TMEM131L: variants seen among roughly 807,000 people sequenced by gnomAD.
TMEM131L encodes the protein transmembrane protein 131-like.
TMEM131L carries 54 observed loss-of-function variants against 192.2 expected under a neutral mutation model. That is an observed-to-expected ratio of 0.28 (90% confidence interval 0.23 to 0.35). The LOEUF is 0.35. Ranked by LOEUF, TMEM131L falls within the 10% of genes least tolerant of loss-of-function variation. The pLI is 1.00. For synonymous variants in TMEM131L, 701 were observed against 704.9 expected, an observed-to-expected ratio of 0.99 and a Z score of 0.09; for missense variants, 1,888 against 1,972.9, an observed-to-expected ratio of 0.96 and a Z score of 0.82.
chr4:153,537,340 A>G (rs1379214377), intron 3 of TMEM131L, among the ~76,000 whole-genome samples: 4 of 152,178 alleles, frequency 2.6e-5, no homozygotes, highest in Non-Finnish European at 5.9e-5. Flanking sequence ...CTTGAATCTC[A>G]CACAAGAAAG....
intron 4 of TMEM131L, among the ~76,000 whole-genome samples, chr4:153,552,382 TA>T (rs948493132): frequency 6.6e-6 from 1 of 152,148 alleles, no homozygotes; most frequent in Non-Finnish European, 1.5e-5. Context: ...TTCAGTAACG[TA>T]AAAAAATCCT....
intron 3 of TMEM131L, among the ~76,000 whole-genome samples, chr4:153,494,347 T>C (rs891197209): frequency 3.3e-5 from 5 of 152,236 alleles, no homozygotes; most frequent in African/African-American, 9.6e-5. Flanking sequence ...AGCAACTTAA[T>C]GTCCAATAGT....
chr4:153,585,913 A>G (rs1730670291), intron 13 of TMEM131L, among the ~76,000 whole-genome samples: 1 of 152,152 alleles, frequency 6.6e-6, no homozygotes, highest in Non-Finnish European at 1.5e-5. Flanking sequence ...ATGTATATGT[A>G]TTGTTCTAAA....
chr4:153,471,295 G>GT (rs2149720449), intron 2 of TMEM131L, among the ~76,000 whole-genome samples: 1 of 151,960 alleles, frequency 6.6e-6, no homozygotes, highest in African/African-American at 2.4e-5. Context: ...CCATGTCTTC[G>GT]TTTTTCTCCT....
intron 3 of TMEM131L, among the ~76,000 whole-genome samples, chr4:153,483,095 C>T (rs189356690): frequency 2.9e-4 from 44 of 152,136 alleles, no homozygotes; most frequent in African/African-American, 1.0e-3. Context: ...CAAAACACTT[C>T]GTTAATGTCA....
chr4:153,551,444 G>A (rs533821479), intron 4 of TMEM131L, among the ~76,000 whole-genome samples: 5 of 151,548 alleles, frequency 3.3e-5, no homozygotes, highest in African/African-American at 1.2e-4. Context: ...TGCAGCCTCC[G>A]CCTGTTGGGT....
intron 5 of TMEM131L, among the ~76,000 whole-genome samples, chr4:153,556,531 A>G (rs1328517189): frequency 1.3e-5 from 2 of 152,204 alleles, no homozygotes; most frequent in East Asian, 3.8e-4. Flanking sequence ...AACTAGGACT[A>G]AGGATATGTT....
intron 4 of TMEM131L, among the ~76,000 whole-genome samples, chr4:153,553,270 CTTTG>C (rs1365737631): frequency 5.9e-5 from 9 of 152,176 alleles, no homozygotes; most frequent in East Asian, 3.9e-4. Context: ...TCAAATATCT[CTTTG>C]TTTGAGCATG....
At chr4:153,633,666 C>T (rs1184455109) in intron 32 of TMEM131L, among the ~76,000 whole-genome samples, 1 of 152,170 alleles carries the variant, frequency 6.6e-6, no homozygotes, top group South Asian at 2.1e-4. Flanking sequence ...TATTTAATCA[C>T]AGAATCCATT....
chr4:153,604,011 C>G lies in TMEM131L; in HGVS notation c.2999C>G (p.Thr1000Arg). 1 of 1,614,118 alleles carries G rather than the reference C, an allele frequency of 6.2e-7. No individual in the cohort carries two copies. The highest frequency in any genetic ancestry group is 8.5e-7 in the Non-Finnish European group (1 of 1,180,000). ...TSTAAASSTS[T>R]TTEEKQTSPL... ...ACAGCTGCGGCCAGCAGCACCAGCA[C>G]GACTACTGAGGAAAAACAGACTTCA... The change falls in exon 25 of 35, where the codon ACG becomes AGG. Residue 1000 changes from threonine (T) to arginine (R), a missense_variant. Coordinates refer to ENST00000409959, the MANE Select transcript of TMEM131L (RefSeq NM_001131007.2).
rs965168707 is a variant in TMEM131L, at chr4:153,627,683, T to G, written c.4203T>G (p.Asp1401Glu). The G allele has an allele frequency of 4.3e-6, 7 of 1,612,050 alleles. No individual in the cohort carries two copies. Among genetic ancestry groups the G allele is most frequent in the African/African-American group, 1.3e-5 (1 of 74,868 alleles). The change falls in exon 31 of 35, where the codon GAT (aspartate) becomes GAG (glutamate). Residue 1401 changes from aspartate to glutamate, a missense_variant. Transcript: ENST00000409959. ...CCGGGCCCACAGGTGTTGAAGAAGA[T>G]AAAGGTGAGATGCATTCGTCTTGCT... ...LPAGPTGVEE[D>E]KGLYSPGDLW...
At chr4:153,626,346 C>T (rs1489812800) in intron 30 of TMEM131L, 121 bp downstream of exon 30, 2 of 638,580 alleles carry the variant, frequency 3.1e-6, no homozygotes, top group East Asian at 2.8e-5. Context: ...TTTAAAGATG[C>T]AGGAAAGTAA....
chr4:153,546,178 A>G (rs1580183403), intron 3 of TMEM131L, among the ~76,000 whole-genome samples: 1 of 150,872 alleles, frequency 6.6e-6, no homozygotes, highest in Non-Finnish European at 1.5e-5. Flanking sequence ...GGTGTGAGCC[A>G]CTGCACCCGG....
intron 34 of TMEM131L, 115 bp downstream of exon 34, chr4:153,635,686 T>C: frequency 8.2e-7 from 1 of 1,217,016 alleles, no homozygotes. Flanking sequence ...AGCCAAAGCC[T>C]GGCTTGCTTC....
intron 3 of TMEM131L, among the ~76,000 whole-genome samples, chr4:153,544,348 A>T (rs1161338076): frequency 6.6e-6 from 1 of 152,236 alleles, no homozygotes; most frequent in African/African-American, 2.4e-5. Context: ...CCAAGAGCTG[A>T]GTAAACCCTT....
intron 31 of TMEM131L, among the ~76,000 whole-genome samples, chr4:153,628,188 C>T (rs200024333): frequency 1.4e-4 from 21 of 152,336 alleles, no homozygotes; most frequent in African/African-American, 4.8e-4. Context: ...CTTGGGGACC[C>T]GCCTTGCTCA....
At chr4:153,609,472 A>G (rs560179132) in intron 25 of TMEM131L, among the ~76,000 whole-genome samples, 2 of 152,294 alleles carry the variant, frequency 1.3e-5, no homozygotes, top group South Asian at 2.1e-4. Flanking sequence ...GAACCAAACC[A>G]TATTGCATGG....
intron 7 of TMEM131L, among the ~76,000 whole-genome samples, chr4:153,568,909 C>T (rs1210338502): frequency 6.6e-6 from 1 of 152,198 alleles, no homozygotes; most frequent in Non-Finnish European, 1.5e-5. Context: ...GTAAGAGAGC[C>T]AGGAGTTACT....
intron 3 of TMEM131L, among the ~76,000 whole-genome samples, chr4:153,477,810 G>C (rs1389800840): frequency 3.9e-5 from 6 of 152,116 alleles, no homozygotes; most frequent in Non-Finnish European, 2.9e-5. Flanking sequence ...TTTGGTAATA[G>C]CTTGATTGAG....
Sources: allele counts gnomAD v4.1 joint callset (sites outside exome capture counted in the v4.1 genomes callset), GRCh38; gene constraint gnomAD v4.1.1; transcripts MANE v1.5; gene names NCBI Gene and HGNC (gene_info 2026-07-23, HGNC 2026-07-21).